Variants in CCDC150 observed in about 807,000 individuals in gnomAD.
The protein encoded by CCDC150 is coiled-coil domain containing 150, also known as coiled-coil domain-containing protein 150.
CCDC150 carries 151 observed loss-of-function variants against 156.5 expected under a neutral mutation model. The ratio of observed to expected loss-of-function variants is 0.97; its 90% CI spans 0.85 to 1.10. CCDC150 has a LOEUF of 1.10. Among genes scored for constraint, CCDC150 ranks in the 50% least tolerant of loss-of-function variants. CCDC150 has a pLI of 0.00. For missense variants in CCDC150, 1,312 were observed against 1,268.1 expected, an observed-to-expected ratio of 1.03 and a Z score of -0.53; for synonymous variants, 452 against 429.4, an observed-to-expected ratio of 1.05 and a Z score of -0.65.
intron 17 of CCDC150, among the ~76,000 whole-genome samples, 185 bp downstream of exon 17, chr2:196,712,924 A>G (rs958046958): frequency 2.0e-5 from 3 of 152,210 alleles, no homozygotes; most frequent in African/African-American, 7.2e-5. Flanking sequence ...ATTATTTACA[A>G]ATTTAGCACT....
Position 196,658,791 on chromosome 2 carries a change from G to T in CCDC150, c.577-1G>T. The T allele has an allele frequency of 6.3e-7, 1 of 1,595,764 alleles. No individual in the cohort carries two copies. Among genetic ancestry groups the T allele is most frequent in the Non-Finnish European group, 8.6e-7 (1 of 1,168,586 alleles). The stretch of plus-strand genomic sequence containing the variant: ...AGAATCTTTTCTCCTTCTACTTTTA[G>T]AAGAATGCAGCCATTATTGAAGAGG... On this transcript the variant is annotated splice_acceptor_variant, in intron 4 of 27. Coordinates refer to ENST00000389175, the MANE Select transcript of CCDC150 (RefSeq NM_001080539.2). LOFTEE classifies it high-confidence loss of function.
At chr2:196,687,782 A>G (rs1236086704) in intron 13 of CCDC150, among the ~76,000 whole-genome samples, 1 of 152,112 alleles carries the variant, frequency 6.6e-6, no homozygotes, top group Non-Finnish European at 1.5e-5. Flanking sequence ...TGTATATGGC[A>G]TAGGGAAGGG....
intron 13 of CCDC150, among the ~76,000 whole-genome samples, chr2:196,685,553 T>C (rs1273292407): frequency 2.0e-5 from 3 of 152,130 alleles, no homozygotes; most frequent in Admixed American, 2.0e-4. Flanking sequence ...ATTTCTCTGT[T>C]GTTTTTGAGG....
chr2:196,666,350 A>G (rs929485431), intron 6 of CCDC150, among the ~76,000 whole-genome samples: 1 of 152,326 alleles, frequency 6.6e-6, no homozygotes, highest in East Asian at 1.9e-4. Context: ...TATAACAAGG[A>G]TTCTACTTTA....
chr2:196,652,181 C>T (rs1159423132), intron 2 of CCDC150, among the ~76,000 whole-genome samples: 1 of 152,178 alleles, frequency 6.6e-6, no homozygotes, highest in African/African-American at 2.4e-5. Context: ...AAATCTTGTT[C>T]TTCTCGCACT....
chr2:196,671,654 CT>C (rs1281591543), intron 8 of CCDC150, among the ~76,000 whole-genome samples: 2 of 152,096 alleles, frequency 1.3e-5, no homozygotes, highest in African/African-American at 4.8e-5. Context: ...TCTCAAACTC[CT>C]GACCTCAGGT....
intron 8 of CCDC150, among the ~76,000 whole-genome samples, chr2:196,670,666 C>T (rs1050103157): frequency 2.1e-4 from 32 of 151,476 alleles, no homozygotes; most frequent in African/African-American, 7.5e-4. Flanking sequence ...GAATGTGTTC[C>T]TTTGAAGTCA....
chr2:196,648,588 T>A (rs1286186804), intron 2 of CCDC150, among the ~76,000 whole-genome samples: 1 of 152,230 alleles, frequency 6.6e-6, no homozygotes, highest in Non-Finnish European at 1.5e-5. Flanking sequence ...CTGTGAGTTG[T>A]CTCTTCATTC....
chr2:196,713,653 T>C, intron 17 of CCDC150: 1 of 1,417,938 alleles, frequency 7.1e-7, no homozygotes, highest in Non-Finnish European at 9.2e-7. Flanking sequence ...TAATAAATGA[T>C]GAATCACCAA....
intron 17 of CCDC150, chr2:196,713,078 C>A: frequency 2.1e-6 from 1 of 483,562 alleles, no homozygotes; most frequent in Non-Finnish European, 3.6e-6. Flanking sequence ...GAGTTCTAAC[C>A]ACTTGACTCT....
chr2:196,681,485 A>G (rs938840014), intron 13 of CCDC150, among the ~76,000 whole-genome samples: 1 of 152,132 alleles, frequency 6.6e-6, no homozygotes, highest in Non-Finnish European at 1.5e-5. Flanking sequence ...TCTTTGTGAT[A>G]TATATATCTA....
intron 12 of CCDC150, 24 bp downstream of exon 12, chr2:196,676,755 A>G (rs1245003313): frequency 1.9e-6 from 3 of 1,572,802 alleles, no homozygotes; most frequent in East Asian, 2.2e-5. Flanking sequence ...AATTTACATT[A>G]TCTTCTCATT....
chr2:196,677,237 C>T, intron 12 of CCDC150, 56 bp from the exon 13 acceptor site: 1 of 1,095,258 alleles, frequency 9.1e-7, no homozygotes, highest in East Asian at 2.6e-5. Flanking sequence ...ATAGTGGAGC[C>T]TGTCAGCTGC....
intron 22 of CCDC150, chr2:196,726,943 A>C (rs1391548055): frequency 6.6e-6 from 1 of 152,194 alleles, no homozygotes; most frequent in Admixed American, 6.5e-5. Flanking sequence ...GAGTTTAGGA[A>C]GGTTAATGTA....
rs556914166 is a variant in CCDC150 at position 196,672,513 on chromosome 2, G to C, written c.1029+76G>C. The C allele has an allele frequency of 2.8e-5, 20 of 720,582 alleles. No individual in the cohort carries two copies. The South Asian group carries it at 5.6e-4, about 20-fold the overall frequency. 44.6% of individuals were successfully genotyped at this position (720,582 alleles called of 1,614,324 possible). A position where few individuals can be genotyped will look rare whatever the true frequency, so the allele number is the denominator to read the frequency against. ...ATTAAATAACCAAGAAACAAAATTA[G>C]TCTTGATTATATAAATTCATACCAT... On this transcript the variant is annotated intron_variant, in intron 9 of 27. Transcript: ENST00000389175.
chr2:196,717,330 A>C (rs1697585863), intron 17 of CCDC150, among the ~76,000 whole-genome samples: 1 of 152,204 alleles, frequency 6.6e-6, no homozygotes. Flanking sequence ...CAGAGATAGC[A>C]CAAGGGAATT....
At chr2:196,687,899 A>G (rs1464466801) in intron 13 of CCDC150, among the ~76,000 whole-genome samples, 8 of 152,174 alleles carry the variant, frequency 5.3e-5, no homozygotes, top group African/African-American at 1.7e-4. Context: ...GTCAAAGGTC[A>G]GATAGCTGAA....
chr2:196,649,517 G>C (rs1033754945), intron 2 of CCDC150, among the ~76,000 whole-genome samples: 3 of 152,140 alleles, frequency 2.0e-5, no homozygotes, highest in Non-Finnish European at 4.4e-5. Context: ...TTATAGCCCA[G>C]GAGATATAGC....
intron 12 of CCDC150, 48 bp from the exon 13 acceptor site, chr2:196,677,245 T>A: frequency 8.3e-7 from 1 of 1,207,724 alleles, no homozygotes; most frequent in Non-Finnish European, 1.2e-6. Context: ...GCCTGTCAGC[T>A]GCTATAAAAT....
Sources: allele counts gnomAD v4.1 joint callset (sites outside exome capture counted in the v4.1 genomes callset), GRCh38; gene constraint gnomAD v4.1.1; transcripts MANE v1.5; gene names NCBI Gene and HGNC (gene_info 2026-07-23, HGNC 2026-07-21).